Variants in EYS observed in about 807,000 individuals in gnomAD.
EYS encodes the protein EGF-like photoreceptor maintenance factor.
Under a neutral mutation model 282.1 loss-of-function variants are expected in EYS, and 250 were observed. The observed-to-expected ratio is 0.89, with a 90% CI of 0.80 to 0.98. EYS has a LOEUF of 0.98. EYS is among the 50% of genes least tolerant of loss of function. The probability of loss-of-function intolerance (pLI) is 0.00; values close to 1 mark genes in which losing one functional copy is unlikely to be tolerated. For synonymous variants in EYS, 1,355 were observed against 1,282.9 expected, an observed-to-expected ratio of 1.06 and a Z score of -1.20; for missense variants, 4,016 against 3,709.0, an observed-to-expected ratio of 1.08 and a Z score of -2.15.
intron 26 of EYS, among the ~76,000 whole-genome samples, chr6:64,515,189 A>G (rs1777527594): frequency 6.6e-6 from 1 of 151,732 alleles, no homozygotes; most frequent in South Asian, 2.1e-4. Flanking sequence ...TTGTAATAAT[A>G]TAGGCAAAAT....
intron 1 of EYS, among the ~76,000 whole-genome samples, chr6:65,702,127 A>G (rs1769700432): frequency 6.6e-6 from 1 of 152,190 alleles, no homozygotes. Context: ...AATGGCTCTC[A>G]GTTATTTCTT....
At chr6:64,262,269 G>C (rs965178432) in intron 30 of EYS, among the ~76,000 whole-genome samples, 2 of 151,692 alleles carry the variant, frequency 1.3e-5, no homozygotes, top group African/African-American at 4.8e-5. Flanking sequence ...AATTTCATTT[G>C]CTAGTTTTGG....
In EYS at chr6:64,813,499, C is replaced by T. The variant is rs928256612; in HGVS notation, c.3322G>A (p.Gly1108Arg). The change falls in exon 22 of 43, where the codon GGA (glycine) becomes AGA (arginine). Residue 1108 changes from glycine to arginine, a missense_variant. Coordinates refer to ENST00000503581, the MANE Select transcript of EYS (RefSeq NM_001142800.2). Reference sequence around the variant, plus strand: ...TTTTCACAGTATGCACCAGTGTATCCACGTGGGCAAATGCAAGTAAATCCA... The same window carrying T: ...TTTTCACAGTATGCACCAGTGTATCTACGTGGGCAAATGCAAGTAAATCCA... ...AHGFTCICPRGYTGAYCEKSI... is the reference protein window; with the variant it reads ...AHGFTCICPRRYTGAYCEKSI... The T allele has an allele frequency of 2.6e-5, 41 of 1,550,446 alleles. No homozygotes were observed. Among genetic ancestry groups the T allele is most frequent in the Non-Finnish European group, 3.3e-5 (38 of 1,146,258 alleles).
intron 5 of EYS, among the ~76,000 whole-genome samples, chr6:65,421,319 GTCT>G (rs1283990482): frequency 6.6e-6 from 1 of 151,676 alleles, no homozygotes; most frequent in Non-Finnish European, 1.5e-5. Flanking sequence ...AATTTCATGA[GTCT>G]ATCTCTGCTA....
intron 31 of EYS, among the ~76,000 whole-genome samples, chr6:64,114,261 A>G (rs1015960648): frequency 1.3e-5 from 2 of 152,136 alleles, no homozygotes; most frequent in African/African-American, 4.8e-5. Context: ...ATTATTTGCT[A>G]TCCATTATAC....
intron 12 of EYS, among the ~76,000 whole-genome samples, chr6:65,184,453 T>C (rs1397469352): frequency 6.6e-6 from 1 of 151,738 alleles, no homozygotes. Flanking sequence ...CCCAATACTA[T>C]AAAAATGGCA....
intron 22 of EYS, among the ~76,000 whole-genome samples, chr6:64,787,469 T>C (rs1210017780): frequency 1.3e-5 from 2 of 151,888 alleles, no homozygotes; most frequent in Admixed American, 6.6e-5. Context: ...TTTTTCTCTA[T>C]GTTGAAAAGC....
intron 26 of EYS, among the ~76,000 whole-genome samples, chr6:64,446,720 AGTTT>A (rs1208079763): frequency 6.6e-6 from 1 of 152,116 alleles, no homozygotes; most frequent in African/African-American, 2.4e-5. Flanking sequence ...TAAAATTGAT[AGTTT>A]GATAATTACT....
intron 19 of EYS, among the ~76,000 whole-genome samples, chr6:64,883,289 GA>G (rs1766980344): frequency 6.6e-6 from 1 of 151,336 alleles, no homozygotes; most frequent in Admixed American, 6.6e-5. Context: ...ACATATCCAA[GA>G]AAAAATGTGC....
chr6:64,654,441 T>C (rs916325507), intron 22 of EYS, among the ~76,000 whole-genome samples: 5 of 152,158 alleles, frequency 3.3e-5, no homozygotes, highest in Admixed American at 6.6e-5. Flanking sequence ...GTTAGTCTTA[T>C]AATGGGAAAC....
intron 26 of EYS, among the ~76,000 whole-genome samples, chr6:64,463,744 T>C (rs9342277): frequency 0.3 from 45,049 of 151,992 alleles, 6,758 homozygotes; most frequent in East Asian, 0.5. Context: ...AATAATACCA[T>C]AGAAATATAA....
At chr6:64,335,252 C>T (rs1194118933) in intron 29 of EYS, among the ~76,000 whole-genome samples, 1 of 141,550 alleles carries the variant, frequency 7.1e-6, no homozygotes, top group Non-Finnish European at 1.5e-5. Context: ...TCCCCCCACC[C>T]CCCCTCCCGA....
At chr6:63,846,962 T>C (rs77916916) in intron 36 of EYS, among the ~76,000 whole-genome samples, 2,562 of 152,310 alleles carry the variant, frequency 0.017, 51 homozygotes, top group South Asian at 0.093. Context: ...GAAATAAATG[T>C]GAAGCCTGGT....
At chr6:65,523,483 C>A (rs1249769459) in intron 2 of EYS, among the ~76,000 whole-genome samples, 2 of 152,026 alleles carry the variant, frequency 1.3e-5, no homozygotes, top group Non-Finnish European at 2.9e-5. Flanking sequence ...AACAGTACAT[C>A]TCTTAGAAGC....
chr6:64,588,239 G>T (rs1005183510), intron 26 of EYS, among the ~76,000 whole-genome samples: 1 of 152,006 alleles, frequency 6.6e-6, no homozygotes, highest in African/African-American at 2.4e-5. Context: ...AATTCCATAA[G>T]AATTTTAGTG....
intron 41 of EYS, among the ~76,000 whole-genome samples, chr6:63,745,494 A>C (rs1460908557): frequency 6.6e-6 from 1 of 152,212 alleles, no homozygotes. Flanking sequence ...CAAGGGGACA[A>C]TGAGATCTTC....
chr6:65,514,115 A>G (rs372806953), intron 2 of EYS, among the ~76,000 whole-genome samples: 35 of 152,104 alleles, frequency 2.3e-4, no homozygotes, highest in East Asian at 1.7e-3. Context: ...AAATCAATGT[A>G]CAAAAATCAC....
chr6:64,316,508 G>T lies in EYS; in HGVS notation c.6079-9426C>A, dbSNP rs923902068. Among the ~76,000 whole-genome samples the T allele has an allele frequency of 4.6e-5, 7 of 152,048 alleles. No individual in the cohort carries two copies. In the East Asian group the frequency reaches 1.2e-3, roughly 25 times the overall value. On this transcript the variant is annotated intron_variant, in intron 29 of 42. Transcript: ENST00000503581. ...ATACCTAGGAATACAACTTACAAGGGACGTGAAGGACCTCTTCAAGGTGAA... is the reference window on the plus strand; with the variant it reads ...ATACCTAGGAATACAACTTACAAGGTACGTGAAGGACCTCTTCAAGGTGAA...
intron 31 of EYS, among the ~76,000 whole-genome samples, chr6:64,096,439 T>G (rs1381475029): frequency 6.6e-6 from 1 of 152,230 alleles, no homozygotes; most frequent in Non-Finnish European, 1.5e-5. Context: ...TCTTAGAGGC[T>G]TTGTTCATTT....
Sources: gnomAD v4.1 joint callset for allele counts (sites outside exome capture counted in the v4.1 genomes callset) on GRCh38, gnomAD v4.1.1 for gene constraint, MANE v1.5 for transcripts, NCBI Gene and HGNC (gene_info 2026-07-23, HGNC 2026-07-21) for gene names.